Variants in TLL2 observed in about 807,000 individuals in gnomAD.
TLL2 encodes tolloid like 2.
Under a neutral mutation model 123.0 loss-of-function variants are expected in TLL2, and 106 were observed. The ratio of observed to expected loss-of-function variants is 0.86; its 90% CI spans 0.74 to 1.01. TLL2 has a LOEUF of 1.01. Ranked by LOEUF, TLL2 falls within the 50% of genes least tolerant of loss-of-function variation. TLL2 has a pLI of 0.00. For missense variants in TLL2, 1,332 were observed against 1,336.7 expected, an observed-to-expected ratio of 1.00 and a Z score of 0.06; for synonymous variants, 494 against 516.8, an observed-to-expected ratio of 0.96 and a Z score of 0.60.
At chr10:96,468,081 G>A (rs1319115628) in intron 2 of TLL2, among the ~76,000 whole-genome samples, 1 of 152,200 alleles carries the variant, frequency 6.6e-6, no homozygotes, top group Non-Finnish European at 1.5e-5. Flanking sequence ...CCGGGGGTCA[G>A]TTCACTCGCC....
At chr10:96,376,858 AT>A in intron 17 of TLL2, 39 bp from the exon 18 acceptor site, 1 of 1,487,024 alleles carries the variant, frequency 6.7e-7, no homozygotes, top group Non-Finnish European at 8.9e-7. Context: ...GAGAGAAGTC[AT>A]TCACTGTGGG....
intron 1 of TLL2, among the ~76,000 whole-genome samples, chr10:96,487,993 G>A (rs1404501057): frequency 1.3e-5 from 2 of 152,170 alleles, no homozygotes; most frequent in Non-Finnish European, 2.9e-5. Context: ...CCCAGCTCAC[G>A]TCCTGCCTGG....
intron 2 of TLL2, among the ~76,000 whole-genome samples, chr10:96,452,820 G>A (rs998286721): frequency 6.6e-6 from 1 of 152,168 alleles, no homozygotes; most frequent in African/African-American, 2.4e-5. Flanking sequence ...CATCAATCAG[G>A]TGAAGTATTC....
At chr10:96,475,138 G>A (rs772426727) in intron 2 of TLL2, among the ~76,000 whole-genome samples, 4 of 152,200 alleles carry the variant, frequency 2.6e-5, no homozygotes, top group African/African-American at 4.8e-5. Context: ...TGGTCACAAG[G>A]TTGCCAGAAA....
chr10:96,393,143 G>A (rs1418672414), intron 13 of TLL2, among the ~76,000 whole-genome samples: 1 of 152,188 alleles, frequency 6.6e-6, no homozygotes, highest in Non-Finnish European at 1.5e-5. Context: ...AAGGAATGCA[G>A]CCCTGCCATC....
chr10:96,461,866 G>A (rs1394701967), intron 2 of TLL2, among the ~76,000 whole-genome samples: 1 of 152,122 alleles, frequency 6.6e-6, no homozygotes, highest in African/African-American at 2.4e-5. Flanking sequence ...CACCCCCAAG[G>A]AGCTCCTGAC....
At chr10:96,513,437 T>A (rs558132710) in intron 1 of TLL2, 74 bp downstream of exon 1, 1 of 1,589,950 alleles carries the variant, frequency 6.3e-7, no homozygotes, top group Non-Finnish European at 8.6e-7. Flanking sequence ...TAGACGGTAG[T>A]GCAGGCTTGC....
intron 1 of TLL2, among the ~76,000 whole-genome samples, chr10:96,498,233 C>T (rs1044047566): frequency 1.4e-4 from 22 of 152,114 alleles, no homozygotes; most frequent in African/African-American, 2.9e-4. Flanking sequence ...ACACGCTAGG[C>T]GGAGAGGGAA....
intron 10 of TLL2, among the ~76,000 whole-genome samples, chr10:96,398,699 T>C (rs554696429): frequency 4.6e-5 from 7 of 152,068 alleles, no homozygotes; most frequent in African/African-American, 1.7e-4. Context: ...CTTTACTGAA[T>C]GGTTCAGAAC....
chr10:96,394,369 C>T (rs1286353498), intron 13 of TLL2, among the ~76,000 whole-genome samples: 1 of 152,206 alleles, frequency 6.6e-6, no homozygotes, highest in African/African-American at 2.4e-5. Flanking sequence ...GTGTGGTCTT[C>T]AGGGCTTTCA....
chr10:96,436,640 A>C (rs553732230), intron 3 of TLL2, among the ~76,000 whole-genome samples: 1 of 152,094 alleles, frequency 6.6e-6, no homozygotes, highest in South Asian at 2.1e-4. Context: ...TATAATAATA[A>C]CATGCATTCA....
intron 2 of TLL2, among the ~76,000 whole-genome samples, chr10:96,458,447 C>T (rs1056395150): frequency 7.9e-5 from 12 of 151,882 alleles, no homozygotes; most frequent in African/African-American, 2.9e-4. Context: ...ATTCGCCAGG[C>T]TTGGTGGTGG....
intron 3 of TLL2, among the ~76,000 whole-genome samples, chr10:96,439,975 T>C (rs1401942590): frequency 1.3e-5 from 2 of 152,222 alleles, no homozygotes; most frequent in Non-Finnish European, 2.9e-5. Context: ...ACTGAAAGAT[T>C]TGGCAACAGC....
At chr10:96,369,855 G>C (rs1349102108) in intron 20 of TLL2, among the ~76,000 whole-genome samples, 2 of 152,072 alleles carry the variant, frequency 1.3e-5, no homozygotes, top group African/African-American at 2.4e-5. Context: ...GCCTCAGTAA[G>C]GGGCCTTCAA....
chr10:96,477,054 T>TTTTTAA (rs1847265859), intron 2 of TLL2, among the ~76,000 whole-genome samples: 1 of 130,152 alleles, frequency 7.7e-6, no homozygotes, highest in African/African-American at 2.8e-5. Flanking sequence ...TTTTTTTTTT[T>TTTTTAA]ACAACAAGCA....
chr10:96,448,374 C>A (rs935423017), intron 2 of TLL2, among the ~76,000 whole-genome samples: 3 of 152,170 alleles, frequency 2.0e-5, no homozygotes, highest in Non-Finnish European at 4.4e-5. Context: ...GGTGTGGAGG[C>A]GAGCTGGAGC....
At chr10:96,493,917 G>A (rs916160055) in intron 1 of TLL2, among the ~76,000 whole-genome samples, 102 of 152,266 alleles carry the variant, frequency 6.7e-4, no homozygotes, top group South Asian at 1.0e-3. Context: ...GAAAGTTAAC[G>A]ACTAGCCCAA....
chr10:96,499,220 A>G (rs1847508092), intron 1 of TLL2, among the ~76,000 whole-genome samples: 1 of 152,198 alleles, frequency 6.6e-6, no homozygotes, highest in Admixed American at 6.5e-5. Context: ...CCAACCCTCC[A>G]GAGTTTTGCC....
intron 1 of TLL2, among the ~76,000 whole-genome samples, chr10:96,490,250 A>G (rs184741457): frequency 6.6e-6 from 1 of 152,386 alleles, no homozygotes; most frequent in East Asian, 1.9e-4. Context: ...GAAAGACTAT[A>G]GTAAAGAACC....
Sources: allele counts gnomAD v4.1 joint callset (sites outside exome capture counted in the v4.1 genomes callset), GRCh38; gene constraint gnomAD v4.1.1; transcripts MANE v1.5; gene names NCBI Gene and HGNC (gene_info 2026-07-23, HGNC 2026-07-21).